The following RDH13 variants were observed in gnomAD, a reference collection of about 807,000 sequenced individuals.
The protein encoded by RDH13 is retinol dehydrogenase 13 (all-trans and 9-cis).
Under a neutral mutation model 28.3 loss-of-function variants are expected in RDH13, and 35 were observed. That is an observed-to-expected ratio of 1.24 (90% CI 0.95 to 1.64). The LOEUF is 1.64. Among genes scored for constraint, RDH13 ranks in the 40% most tolerant of loss-of-function variants. The pLI is 0.00. For synonymous variants in RDH13, 229 were observed against 198.5 expected (o/e 1.15, Z -1.29); for missense variants, 514 against 446.3 (o/e 1.15, Z -1.37).
downstream of RDH13, chr19:55,042,627 T>TAC (rs141134204): frequency 1.3e-5 from 2 of 152,142 alleles, no homozygotes; most frequent in East Asian, 3.8e-4. Context: ...AAATACCTAC[T>TAC]ACACACACAC....
chr19:55,059,112 G>T, intron 2 of RDH13, 45 bp downstream of exon 2: 2 of 1,247,662 alleles, frequency 1.6e-6, no homozygotes, highest in Non-Finnish European at 2.3e-6. Flanking sequence ...AGTGAGCATG[G>T]ATGTACAGAT....
intron 3 of RDH13, among the ~76,000 whole-genome samples, chr19:55,054,254 A>G (rs770175957): frequency 1.3e-5 from 2 of 152,206 alleles, no homozygotes; most frequent in African/African-American, 2.4e-5. Flanking sequence ...AGCGGGGCAC[A>G]TTGACTCTGA....
chr19:55,056,738 C>A lies in RDH13; in HGVS notation c.255G>T (p.Glu85Asp), dbSNP rs1568720061. 3 of 1,613,976 alleles carry A rather than the reference C, an allele frequency of 1.9e-6. No individual in the cohort carries two copies. The highest frequency in any genetic ancestry group is 2.5e-6 in the Non-Finnish European group (3 of 1,180,038). Reference protein sequence around the residue: ...CEAAAKDIRGETLNHHVNARH... With the variant: ...CEAAAKDIRGDTLNHHVNARH... ...GGGCGTTGACATGGTGATTGAGGGT[C>A]TCCCCGCGGATGTCCTTTGCTGCCG... The change falls in exon 3 of 7, where the codon GAG becomes GAT. Residue 85 changes from glutamate (E) to aspartate (D), a missense_variant. Transcript: ENST00000415061.
At chr19:55,042,328 C>T (rs888318343), downstream of RDH13, 2 of 152,250 alleles carry the variant, frequency 1.3e-5, no homozygotes, top group African/African-American at 2.4e-5. Context: ...GGGGCCAGCC[C>T]CTGTGCCACC....
At chr19:55,039,953 T>G (rs1340820468), downstream of RDH13, among the ~76,000 whole-genome samples, 1 of 152,190 alleles carries the variant, frequency 6.6e-6, no homozygotes. Flanking sequence ...AATACTGCAT[T>G]GTGCCGCTTA....
intron 1 of RDH13, among the ~76,000 whole-genome samples, 198 bp from the exon 2 acceptor site, chr19:55,059,473 C>A (rs542300383): frequency 6.6e-6 from 1 of 152,068 alleles, no homozygotes; most frequent in South Asian, 2.1e-4. Context: ...TGTGGAACGC[C>A]TTCAGCAAGT....
At chr19:55,059,686 G>A (rs1217010673) in intron 1 of RDH13, among the ~76,000 whole-genome samples, 6 of 152,064 alleles carry the variant, frequency 3.9e-5, no homozygotes, top group Non-Finnish European at 5.9e-5. Flanking sequence ...AAATTAGCCA[G>A]ATGTGTAGGG....
chr19:55,060,333 C>T (rs186967603), intron 1 of RDH13, among the ~76,000 whole-genome samples: 1 of 151,362 alleles, frequency 6.6e-6, no homozygotes, highest in East Asian at 1.9e-4. Flanking sequence ...ATTCTTTACT[C>T]CGCTGAGATG....
chr19:55,053,525 A>T (rs146245737), intron 3 of RDH13, among the ~76,000 whole-genome samples: 1 of 151,618 alleles, frequency 6.6e-6, no homozygotes, highest in Non-Finnish European at 1.5e-5. Flanking sequence ...GCGTGGTGGC[A>T]GGCGCCTGTA....
At chr19:55,066,753 T>A, upstream of RDH13, among the ~76,000 whole-genome samples, 1 of 150,384 alleles carries the variant, frequency 6.6e-6, no homozygotes, top group African/African-American at 2.4e-5. Flanking sequence ...TCTCTCTCCC[T>A]CTCCCCCCAA....
chr19:55,058,944 A>G (rs139724258), intron 2 of RDH13, among the ~76,000 whole-genome samples: 1,578 of 152,306 alleles, frequency 0.01, 47 homozygotes, highest in African/African-American at 0.035. Context: ...CTCCCAAAGT[A>G]CTGATTACAG....
chr19:55,041,188 C>G (rs2075019470), downstream of RDH13: 1 of 152,226 alleles, frequency 6.6e-6, no homozygotes, highest in Non-Finnish European at 1.5e-5. Flanking sequence ...GTTGCCCAGG[C>G]TGGTCTTGAA....
Position 55,045,110 on chromosome 19 carries a change from C to T in RDH13, c.960G>A (p.Glu320=), listed in dbSNP as rs772381700. ...GGGGCTGCTCCCTCACAGAGGGAGC[C>T]TCTAAGCCCACCAGGCGGGCACTTT... is the stretch of plus-strand genomic sequence containing the variant. ...WAESARLVGL[E]APSVREQPLP... The change falls in exon 7 of 7, where the codon GAG becomes GAA. Residue 320 remains glutamate (E), a synonymous_variant. Transcript: ENST00000415061. 9 of 1,612,934 alleles carry T rather than the reference C, an allele frequency of 5.6e-6. No homozygotes were observed. Among genetic ancestry groups the T allele is most frequent in the Non-Finnish European group, 7.6e-6 (9 of 1,179,784 alleles).
At chr19:55,066,957 T>G (rs1422371009), upstream of RDH13, among the ~76,000 whole-genome samples, 1 of 152,158 alleles carries the variant, frequency 6.6e-6, no homozygotes, top group African/African-American at 2.4e-5. Flanking sequence ...GGCACACAGA[T>G]AAGCTGCCTC....
intron 6 of RDH13, 25 bp downstream of exon 6, chr19:55,047,362 G>A (rs1372900733): frequency 6.2e-7 from 1 of 1,606,730 alleles, no homozygotes; most frequent in Admixed American, 1.7e-5. Flanking sequence ...TCCACGTGGA[G>A]ACCCCAGGCT....
Position 55,050,127 on chromosome 19 carries a change from G to C in RDH13, c.341-1364C>G, listed in dbSNP as rs532733748. Among the ~76,000 whole-genome samples, 11 of 36,160 alleles carry C rather than the reference G, an allele frequency of 3.0e-4. No homozygotes were observed. The East Asian group carries it at 0.029, about 95-fold the overall frequency. The allele number at this position is 36,160 out of a possible 152,430, so 23.7% of individuals were successfully genotyped here. On this transcript the variant is annotated intron_variant, in intron 3 of 6. Coordinates refer to ENST00000415061, the MANE Select transcript of RDH13 (RefSeq NM_001145971.2). ...CCCCCAGCCTATTTTTTTTTTTTTG[G>C]GGGGGGGAGATGGAGTTTCACTCTT...
At chr19:55,064,580 G>T (rs1215852078), upstream of RDH13, among the ~76,000 whole-genome samples, 1 of 151,868 alleles carries the variant, frequency 6.6e-6, no homozygotes. Flanking sequence ...AGATGAGATT[G>T]GGAAGTCACA....
intron 6 of RDH13, 120 bp downstream of exon 6, chr19:55,047,267 T>C (rs887736490): frequency 2.6e-5 from 38 of 1,466,576 alleles, no homozygotes; most frequent in Non-Finnish European, 3.0e-5. Context: ...TCAGAAGACG[T>C]AGGCGAGGAG....
chr19:55,055,657 T>C (rs903775224), intron 3 of RDH13, among the ~76,000 whole-genome samples: 3 of 150,152 alleles, frequency 2.0e-5, no homozygotes, highest in African/African-American at 7.3e-5. Context: ...CTGAGCAACA[T>C]GGTGAAACCC....
Sources: gnomAD v4.1 joint callset for allele counts (sites outside exome capture counted in the v4.1 genomes callset) on GRCh38, gnomAD v4.1.1 for gene constraint, MANE v1.5 for transcripts, NCBI Gene and HGNC (gene_info 2026-07-23, HGNC 2026-07-21) for gene names.